The following TRAPPC3 variants were observed in gnomAD, a reference collection of about 807,000 sequenced individuals.
TRAPPC3 encodes trafficking protein particle complex subunit 3, also known as trafficking protein particle complex 3.
A neutral mutation model predicts 18.2 loss-of-function variants in TRAPPC3; 5 were observed. The observed-to-expected ratio is 0.28, with a 90% CI of 0.14 to 0.58. The LOEUF (loss-of-function observed/expected upper bound fraction) is 0.58. TRAPPC3 is among the 20% of genes least tolerant of loss of function. TRAPPC3 has a pLI of 0.91. For missense variants in TRAPPC3, 176 were observed against 225.9 expected, an observed-to-expected ratio of 0.78 and a Z score of 1.41; for synonymous variants, 65 against 84.2, an observed-to-expected ratio of 0.77 and a Z score of 1.25.
Position 36,149,446 on chromosome 1 carries a change from C to A in TRAPPC3, c.-68G>T. On this transcript the variant is annotated 5_prime_UTR_variant, in exon 1 of 5. Coordinates refer to ENST00000373166, the MANE Select transcript of TRAPPC3 (RefSeq NM_014408.5). The stretch of plus-strand genomic sequence containing the variant: ...TCGGCGACCCCTGCAGACGCCGGAG[C>A]CTAAGCCGCTGCCCCTCAGCCCACA... The A allele has an allele frequency of 1.3e-6, 2 of 1,587,548 alleles. No individual in the cohort carries two copies. The highest frequency in any genetic ancestry group is 2.2e-5 in the South Asian group (2 of 89,220).
upstream of TRAPPC3, among the ~76,000 whole-genome samples, chr1:36,149,998 A>G (rs372831452): frequency 6.6e-6 from 1 of 152,342 alleles, no homozygotes; most frequent in African/African-American, 2.4e-5. Context: ...TCAGACTGCC[A>G]AACCCCAAAT....
rs535931654 is a variant in TRAPPC3 at position 36,138,032 on chromosome 1, C to T, written c.241-54G>A. The T allele has an allele frequency of 3.1e-4, 503 of 1,609,752 alleles. 2 individuals are homozygous for T. The African/African-American group carries it at 5.6e-3, about 18-fold the overall frequency. On this transcript the variant is annotated intron_variant, in intron 3 of 4. Transcript: ENST00000373166. ...GGGAAGAGCAGCAGGAACTGTACCA[C>T]AGGGAAGGTGACAGAACTGGCAAAG...
chr1:36,139,982 A>G, intron 2 of TRAPPC3, 87 bp downstream of exon 2: 2 of 1,459,752 alleles, frequency 1.4e-6, no homozygotes, highest in South Asian at 2.7e-5. Flanking sequence ...AAAGAGAGAG[A>G]ACCCTGTTTT....
chr1:36,149,304 C>T (rs1253556175), intron 1 of TRAPPC3, 33 bp downstream of exon 1: 4 of 1,613,320 alleles, frequency 2.5e-6, no homozygotes, highest in Non-Finnish European at 2.5e-6. Context: ...CTCAATTTCG[C>T]CCCGCCCGCC....
Position 36,137,216 on chromosome 1 carries a change from G to A in TRAPPC3, c.530C>T (p.Ala177Val). ...TTGTAGGGATGGTTATTCCTCTCCAGCTGGAAGATTGTCCTCAATCCGCCT... is the reference window on the plus strand; with the variant it reads ...TTGTAGGGATGGTTATTCCTCTCCAACTGGAAGATTGTCCTCAATCCGCCT... ...FIRRIEDNLP[A>V]GEE Residue 177 changes from alanine to valine, a missense_variant, in exon 5 of 5, where the codon GCT becomes GTT. Coordinates refer to ENST00000373166, the MANE Select transcript of TRAPPC3 (RefSeq NM_014408.5). 1 of 1,610,332 alleles carries A rather than the reference G, an allele frequency of 6.2e-7. No homozygotes were observed. The highest frequency in any genetic ancestry group is 8.5e-7 in the Non-Finnish European group (1 of 1,176,762).
chr1:36,140,207 A>G (rs1233616268), intron 1 of TRAPPC3, 41 bp from the exon 2 acceptor site: 1 of 1,353,784 alleles, frequency 7.4e-7, no homozygotes. Flanking sequence ...AAGCAGCACA[A>G]AAGAGAAAGC....
chr1:36,139,317 C>T (rs1644072086), intron 3 of TRAPPC3: 1 of 165,374 alleles, frequency 6.0e-6, no homozygotes, highest in Non-Finnish European at 1.3e-5. Flanking sequence ...GCCACCACGC[C>T]CAGCAAACTT....
chr1:36,139,539 T>A, intron 3 of TRAPPC3, 181 bp downstream of exon 3: 1 of 755,514 alleles, frequency 1.3e-6, no homozygotes, highest in Non-Finnish European at 2.1e-6. Context: ...GGGGCTTTAA[T>A]CCACAGGGAT....
At chr1:36,143,178 T>C (rs901905939) in intron 1 of TRAPPC3, among the ~76,000 whole-genome samples, 1 of 151,424 alleles carries the variant, frequency 6.6e-6, no homozygotes, top group African/African-American at 2.4e-5. Context: ...AAATACATGA[T>C]TTGCCAGATG....
intron 1 of TRAPPC3, 92 bp from the exon 2 acceptor site, chr1:36,140,258 T>C: frequency 1.3e-6 from 1 of 768,224 alleles, no homozygotes; most frequent in Non-Finnish European, 2.0e-6. Context: ...ACTGTCAGGA[T>C]TCCCTCTAAC....
chr1:36,139,828 G>C lies in TRAPPC3; in HGVS notation c.141-9C>G. 7 of 1,614,038 alleles carry C rather than the reference G, an allele frequency of 4.3e-6. No homozygotes were observed. The highest frequency in any genetic ancestry group is 5.9e-6 in the Non-Finnish European group (7 of 1,179,994). ...CTCCAATGTTAAAGCCCCTGGGAAG[G>C]AAGTTAGAGAAGAGACTATGATGGA... On this transcript the variant is annotated splice_polypyrimidine_tract_variant and intron_variant, in intron 2 of 4. Coordinates refer to ENST00000373166, the MANE Select transcript of TRAPPC3 (RefSeq NM_014408.5).
intron 1 of TRAPPC3, among the ~76,000 whole-genome samples, chr1:36,145,980 G>C (rs1296686792): frequency 6.6e-5 from 10 of 151,238 alleles, no homozygotes; most frequent in Non-Finnish European, 1.5e-4. Flanking sequence ...GGGTTTCACC[G>C]TGTTAGCCAG....
At position 36,137,550 on chromosome 1, in the gene TRAPPC3, CCTAT is replaced by C. The variant is rs1644043258; in HGVS notation, c.424-232_424-229del. The stretch of plus-strand genomic sequence containing the variant: ...AAGAATGAGACTGTCACCAAATAAG[CCTAT>C]CTGAGAATGGATGTTCCTGGGCTTT... On this transcript the variant is annotated intron_variant, in intron 4 of 4. Transcript: ENST00000373166. The C allele has an allele frequency of 1.4e-5, 9 of 633,652 alleles. No homozygotes were observed. The East Asian group carries it at 2.5e-4, about 18-fold the overall frequency. 39.3% of individuals were successfully genotyped at this position (633,652 alleles called of 1,614,324 possible).
At chr1:36,155,118 A>C (rs1166285728) in intron 1 of TRAPPC3, among the ~76,000 whole-genome samples, 1 of 152,228 alleles carries the variant, frequency 6.6e-6, no homozygotes, top group Non-Finnish European at 1.5e-5. Context: ...GACAATGAAG[A>C]ACTAGAGAAC....
intron 1 of TRAPPC3, among the ~76,000 whole-genome samples, chr1:36,154,806 AG>A (rs1414636761): frequency 6.6e-6 from 1 of 152,228 alleles, no homozygotes; most frequent in African/African-American, 2.4e-5. Context: ...ATTAGATTTT[AG>A]AAAAGTTAAG....
rs192409969 is a variant in TRAPPC3 at position 36,137,707 on chromosome 1, C to T, written c.423+89G>A. On this transcript the variant is annotated intron_variant, in intron 4 of 4. Transcript: ENST00000373166. ...AGTAAAGCGCTGGGGTGAGCCAAAG[C>T]CCTTTCTTTTCTCTCTTTCATTCAT... 4.2e-5 allele frequency: 59 copies of T among 1,399,302 alleles called. No homozygotes were observed. In the African/African-American group the frequency reaches 7.8e-4, roughly 18 times the overall value. 86.7% of individuals were successfully genotyped at this position (1,399,302 alleles called of 1,614,324 possible). A position where few individuals can be genotyped will look rare whatever the true frequency, so the allele number is the denominator to read the frequency against.
rs1237047777 is a variant in TRAPPC3 at position 36,138,967 on chromosome 1, C to T, written c.240+753G>A. ...AGAAGAATCATTTGAACCCGGGGGGCGGAGGTTGTGGTGAGCCGAGATCAC... is the reference window on the plus strand; with the variant it reads ...AGAAGAATCATTTGAACCCGGGGGGTGGAGGTTGTGGTGAGCCGAGATCAC... On this transcript the variant is annotated intron_variant, in intron 3 of 4. Coordinates refer to ENST00000373166, the MANE Select transcript of TRAPPC3 (RefSeq NM_014408.5). Among the ~76,000 whole-genome samples, 4 of 134,378 alleles carry T rather than the reference C, an allele frequency of 3.0e-5. No homozygotes were observed. In the South Asian group the frequency reaches 9.9e-4, roughly 33 times the overall value. 88.2% of individuals were successfully genotyped at this position (134,378 alleles called of 152,430 possible).
upstream of TRAPPC3, among the ~76,000 whole-genome samples, chr1:36,153,913 G>C (rs569827190): frequency 3.3e-5 from 5 of 152,294 alleles, no homozygotes; most frequent in South Asian, 1.0e-3. Flanking sequence ...CCAAGCATTT[G>C]GCATTCAAGT....
chr1:36,142,201 CT>C (rs3835622), intron 1 of TRAPPC3, among the ~76,000 whole-genome samples: 92,748 of 151,890 alleles, frequency 0.61, 30,441 homozygotes, highest in Non-Finnish European at 0.76. Context: ...TCAGGAGGCC[CT>C]TTGAACTCAA....
Sources: gnomAD v4.1 joint callset for allele counts (sites outside exome capture counted in the v4.1 genomes callset) on GRCh38, gnomAD v4.1.1 for gene constraint, MANE v1.5 for transcripts, NCBI Gene and HGNC (gene_info 2026-07-23, HGNC 2026-07-21) for gene names.